ANKS1B: variants seen among roughly 807,000 people sequenced by gnomAD.
ANKS1B encodes the protein ankyrin repeat and sterile alpha motif domain containing 1B.
ANKS1B carries 36 observed loss-of-function variants against 148.3 expected under a neutral mutation model. The ratio of observed to expected loss-of-function variants is 0.24; its 90% CI spans 0.19 to 0.32. ANKS1B has a LOEUF of 0.32. Ranked by LOEUF, ANKS1B falls within the 10% of genes least tolerant of loss-of-function variation. The pLI is 1.00. For synonymous variants in ANKS1B, 542 were observed against 560.8 expected (o/e 0.97, Z 0.47); for missense variants, 1,157 against 1,542.6 (o/e 0.75, Z 4.19).
intron 9 of ANKS1B, among the ~76,000 whole-genome samples, chr12:99,569,365 G>T (rs1313668645): frequency 6.6e-6 from 1 of 152,138 alleles, no homozygotes; most frequent in East Asian, 1.9e-4. Context: ...GCTTATACTA[G>T]CTGTATAACC....
At chr12:99,976,847 C>T (rs2095635292) in intron 1 of ANKS1B, among the ~76,000 whole-genome samples, 1 of 152,154 alleles carries the variant, frequency 6.6e-6, no homozygotes, top group South Asian at 2.1e-4. Context: ...GTACCTGAGA[C>T]TGGGTAGTTT....
At chr12:98,913,628 ATTT>A in intron 17 of ANKS1B, among the ~76,000 whole-genome samples, 1 of 151,810 alleles carries the variant, frequency 6.6e-6, no homozygotes, top group African/African-American at 2.4e-5. Flanking sequence ...ATTTCTTCAT[ATTT>A]TTTTTGTTGT....
At chr12:99,036,746 AG>A (rs555037691) in intron 17 of ANKS1B, among the ~76,000 whole-genome samples, 226 of 152,356 alleles carry the variant, frequency 1.5e-3, no homozygotes, top group Middle Eastern at 3.4e-3. Flanking sequence ...GTGGGTCTGA[AG>A]GAAGGAAGAT....
chr12:99,252,729 G>C (rs902388282), intron 12 of ANKS1B, among the ~76,000 whole-genome samples: 4 of 152,156 alleles, frequency 2.6e-5, no homozygotes, highest in Non-Finnish European at 4.4e-5. Context: ...TAAAATTTGA[G>C]AACAACTAGC....
At chr12:98,755,991 G>A (rs1318428331) in intron 25 of ANKS1B, among the ~76,000 whole-genome samples, 2 of 152,162 alleles carry the variant, frequency 1.3e-5, no homozygotes, top group Non-Finnish European at 2.9e-5. Flanking sequence ...TGAATCATGA[G>A]GAGTCTTGCA....
intron 5 of ANKS1B, among the ~76,000 whole-genome samples, chr12:99,781,557 G>C (rs1039406927): frequency 6.6e-6 from 1 of 152,120 alleles, no homozygotes; most frequent in African/African-American, 2.4e-5. Flanking sequence ...ACTAACAATA[G>C]CTACTCAGTT....
chr12:99,718,902 A>G (rs1024388285), intron 8 of ANKS1B, among the ~76,000 whole-genome samples: 1 of 152,178 alleles, frequency 6.6e-6, no homozygotes, highest in African/African-American at 2.4e-5. Flanking sequence ...GTCAAGACCA[A>G]GTTTCATCCT....
chr12:99,840,842 A>G (rs2153697248), intron 1 of ANKS1B, among the ~76,000 whole-genome samples: 1 of 152,250 alleles, frequency 6.6e-6, no homozygotes, highest in African/African-American at 2.4e-5. Flanking sequence ...CTAAAATAAT[A>G]AGAAGATAAT....
rs552606678 is a variant in ANKS1B at position 99,919,793 on chromosome 12, A to C, written c.134+64311T>G. Among the ~76,000 whole-genome samples, 5 of 151,962 alleles carry C rather than the reference A, an allele frequency of 3.3e-5. No individual in the cohort carries two copies. The East Asian group carries it at 9.6e-4, about 29-fold the overall frequency. The stretch of plus-strand genomic sequence containing the variant: ...TGCTGCAGAGTTAAAAAAAAAAAAA[A>C]ACCTGGATTTCAAAAACTTGGCATG... On this transcript the variant is annotated intron_variant, in intron 1 of 26. Transcript: ENST00000683438.
chr12:99,674,446 G>C (rs973606734), intron 8 of ANKS1B, among the ~76,000 whole-genome samples: 2 of 151,730 alleles, frequency 1.3e-5, no homozygotes, highest in African/African-American at 4.8e-5. Context: ...ATAAAAGAAA[G>C]AAGAGAAGAG....
intron 14 of ANKS1B, among the ~76,000 whole-genome samples, chr12:99,208,316 C>G (rs1384233770): frequency 6.6e-6 from 1 of 152,110 alleles, no homozygotes; most frequent in Non-Finnish European, 1.5e-5. Flanking sequence ...ACTATAACTT[C>G]ACAGTGATCT....
At chr12:99,666,266 GCTATTCTATGTTCTCTGC>G (rs2153460484) in intron 8 of ANKS1B, among the ~76,000 whole-genome samples, 1 of 152,218 alleles carries the variant, frequency 6.6e-6, no homozygotes, top group African/African-American at 2.4e-5. Flanking sequence ...AATTATTTTG[GCTATTCTATGTTCTCTGC>G]CTTTGCATAT....
chr12:99,777,907 A>C (rs1178791148), intron 6 of ANKS1B, among the ~76,000 whole-genome samples: 1 of 151,720 alleles, frequency 6.6e-6, no homozygotes, highest in Admixed American at 6.5e-5. Flanking sequence ...TTAAAAGTTC[A>C]GTGAGAGGCA....
intron 8 of ANKS1B, among the ~76,000 whole-genome samples, chr12:99,684,932 C>T (rs572440656): frequency 6.7e-4 from 101 of 151,464 alleles, no homozygotes; most frequent in Non-Finnish European, 5.9e-4. Flanking sequence ...CAACCCAAGA[C>T]GAATCAAAGA....
At chr12:99,274,185 T>C (rs2077401649) in intron 12 of ANKS1B, among the ~76,000 whole-genome samples, 1 of 152,190 alleles carries the variant, frequency 6.6e-6, no homozygotes, top group South Asian at 2.1e-4. Flanking sequence ...TTTACTTCCC[T>C]GATAGCGCTC....
chr12:99,231,609 G>C (rs1229509412), intron 14 of ANKS1B, among the ~76,000 whole-genome samples: 1 of 151,950 alleles, frequency 6.6e-6, no homozygotes, highest in African/African-American at 2.4e-5. Flanking sequence ...GTACATTTTA[G>C]CATCCTTTTT....
chr12:99,532,050 T>A (rs897086592), intron 9 of ANKS1B, among the ~76,000 whole-genome samples: 1 of 152,174 alleles, frequency 6.6e-6, no homozygotes, highest in Non-Finnish European at 1.5e-5. Context: ...ATTGTTTTTT[T>A]TTTTCTTGCT....
At chr12:99,006,877 A>G (rs2099936449) in intron 17 of ANKS1B, among the ~76,000 whole-genome samples, 1 of 152,174 alleles carries the variant, frequency 6.6e-6, no homozygotes, top group African/African-American at 2.4e-5. Context: ...CCATATGAGG[A>G]AAGCAAGGCA....
chr12:99,273,868 A>T (rs2153991211), intron 12 of ANKS1B, among the ~76,000 whole-genome samples: 1 of 152,204 alleles, frequency 6.6e-6, no homozygotes, highest in East Asian at 1.9e-4. Context: ...TACAGGTGTA[A>T]GCCACGGCAC....
Sources: allele counts gnomAD v4.1 joint callset (sites outside exome capture counted in the v4.1 genomes callset), GRCh38; gene constraint gnomAD v4.1.1; transcripts MANE v1.5; gene names NCBI Gene and HGNC (gene_info 2026-07-23, HGNC 2026-07-21).